Variants in DSCAM observed in about 807,000 individuals in gnomAD.
DSCAM encodes the protein cell adhesion molecule DSCAM.
In DSCAM, 47 loss-of-function variants were observed where a neutral mutation model predicts 217.7. That is an observed-to-expected ratio of 0.22 (90% CI 0.17 to 0.28). The LOEUF is 0.28. Ranked by LOEUF, DSCAM falls within the 10% of genes least tolerant of loss-of-function variation. DSCAM has a pLI of 1.00. For synonymous variants in DSCAM, 1,056 were observed against 1,015.3 expected, an observed-to-expected ratio of 1.04 and a Z score of -0.76; for missense variants, 2,080 against 2,618.3, an observed-to-expected ratio of 0.79 and a Z score of 4.49.
intron 11 of DSCAM, among the ~76,000 whole-genome samples, chr21:40,227,800 AGTGTGG>A (rs2091346545): frequency 6.6e-6 from 1 of 152,240 alleles, no homozygotes; most frequent in Non-Finnish European, 1.5e-5. Flanking sequence ...ACCTTACATT[AGTGTGG>A]CACGTTTGTT....
chr21:40,760,134 C>T (rs535810480), intron 1 of DSCAM, among the ~76,000 whole-genome samples: 34 of 151,998 alleles, frequency 2.2e-4, no homozygotes, highest in Non-Finnish European at 2.2e-4. Context: ...GCTGGGACTA[C>T]AGGTGCATGC....
At chr21:40,580,881 G>A (rs2076899997) in intron 3 of DSCAM, among the ~76,000 whole-genome samples, 1 of 152,090 alleles carries the variant, frequency 6.6e-6, no homozygotes, top group Admixed American at 6.5e-5. Flanking sequence ...GAAGTGTATA[G>A]GTTTAAATGC....
At chr21:40,574,947 T>G (rs557661772) in intron 3 of DSCAM, among the ~76,000 whole-genome samples, 75 of 152,228 alleles carry the variant, frequency 4.9e-4, no homozygotes, top group African/African-American at 1.8e-3. Flanking sequence ...ACAATTTGAT[T>G]TCTAGAACAA....
At chr21:40,821,411 A>T (rs2091927116) in intron 1 of DSCAM, among the ~76,000 whole-genome samples, 1 of 151,644 alleles carries the variant, frequency 6.6e-6, no homozygotes, top group African/African-American at 2.4e-5. Context: ...ACACACACAC[A>T]CACACACCCC....
At chr21:40,501,271 C>G (rs184134234) in intron 3 of DSCAM, among the ~76,000 whole-genome samples, 1 of 152,206 alleles carries the variant, frequency 6.6e-6, no homozygotes, top group East Asian at 1.9e-4. Flanking sequence ...GACAACCTCA[C>G]CTCTTTGTAT....
intron 8 of DSCAM, among the ~76,000 whole-genome samples, chr21:40,325,344 G>A (rs1334284844): frequency 1.3e-5 from 2 of 152,120 alleles, no homozygotes; most frequent in Non-Finnish European, 2.9e-5. Context: ...AAATATATTG[G>A]ACCCCAGCTT....
At chr21:40,451,892 A>G (rs2075722686) in intron 3 of DSCAM, among the ~76,000 whole-genome samples, 1 of 152,246 alleles carries the variant, frequency 6.6e-6, no homozygotes, top group East Asian at 1.9e-4. Flanking sequence ...ATTCAAAAAA[A>G]TTGCAACCTC....
intron 20 of DSCAM, among the ~76,000 whole-genome samples, chr21:40,097,954 AAAAGAAAG>A (rs61675667): frequency 0.043 from 2,208 of 51,310 alleles, 162 homozygotes; most frequent in East Asian, 0.1. Flanking sequence ...AAAAAAAAAA[AAAAGAAAG>A]AAAGAAAGAA....
intron 13 of DSCAM, 114 bp from the exon 14 acceptor site, chr21:40,187,373 G>T (rs2090906377): frequency 2.2e-6 from 3 of 1,339,008 alleles, no homozygotes; most frequent in Non-Finnish European, 3.0e-6. Context: ...GACAAGAACA[G>T]AAGCTTTTTA....
chr21:40,498,781 GTATATATATATATA>G (rs1166919235), intron 3 of DSCAM, among the ~76,000 whole-genome samples: 2 of 26,050 alleles, frequency 7.7e-5, no homozygotes, highest in Admixed American at 5.0e-4. Context: ...ATATGGGTGT[GTATATATATATATA>G]TATATATATA....
chr21:40,103,915 A>C (rs2089785513), intron 20 of DSCAM, among the ~76,000 whole-genome samples: 1 of 151,902 alleles, frequency 6.6e-6, no homozygotes, highest in African/African-American at 2.4e-5. Context: ...TTTCAAATAT[A>C]AAATATTTTA....
chr21:40,079,865 G>A (rs1004491923), intron 25 of DSCAM, among the ~76,000 whole-genome samples: 3 of 152,140 alleles, frequency 2.0e-5, no homozygotes, highest in Non-Finnish European at 2.9e-5. Context: ...CAAGCGCCAC[G>A]CTTCATGGCT....
At chr21:40,544,077 G>A (rs868032321) in intron 3 of DSCAM, among the ~76,000 whole-genome samples, 127 of 152,246 alleles carry the variant, frequency 8.3e-4, no homozygotes, top group African/African-American at 2.9e-3. Flanking sequence ...AGTGAGGGGT[G>A]AGCCATCGCA....
At chr21:40,688,550 A>G (rs538834589) in intron 3 of DSCAM, among the ~76,000 whole-genome samples, 1 of 152,356 alleles carries the variant, frequency 6.6e-6, no homozygotes, top group African/African-American at 2.4e-5. Flanking sequence ...GTCTAAAAAA[A>G]TCCACATAGA....
intron 3 of DSCAM, among the ~76,000 whole-genome samples, chr21:40,570,452 A>T (rs1340614033): frequency 6.6e-6 from 1 of 152,238 alleles, no homozygotes; most frequent in African/African-American, 2.4e-5. Context: ...CAAGGTAAAC[A>T]TTCCTTACTT....
chr21:40,297,716 A>T (rs2073970755), intron 9 of DSCAM, among the ~76,000 whole-genome samples: 1 of 152,228 alleles, frequency 6.6e-6, no homozygotes, highest in Non-Finnish European at 1.5e-5. Context: ...AAGCAGCCAG[A>T]GATGGAATTC....
chr21:40,555,095 G>T (rs1445421359), intron 3 of DSCAM, among the ~76,000 whole-genome samples: 1 of 152,220 alleles, frequency 6.6e-6, no homozygotes, highest in Non-Finnish European at 1.5e-5. Flanking sequence ...GTTTATACAT[G>T]ATTAACTTGA....
intron 3 of DSCAM, among the ~76,000 whole-genome samples, chr21:40,471,676 G>A (rs1406568493): frequency 6.6e-6 from 1 of 152,166 alleles, no homozygotes; most frequent in Non-Finnish European, 1.5e-5. Flanking sequence ...CAAGTAGCCT[G>A]GTTTCACACT....
intron 1 of DSCAM, among the ~76,000 whole-genome samples, chr21:40,781,664 T>C (rs1053055741): frequency 6.6e-6 from 1 of 152,154 alleles, no homozygotes; most frequent in African/African-American, 2.4e-5. Flanking sequence ...GAGAGATGAA[T>C]GTACTAAGCT....
Sources: allele counts gnomAD v4.1 joint callset (sites outside exome capture counted in the v4.1 genomes callset), GRCh38; gene constraint gnomAD v4.1.1; transcripts MANE v1.5; gene names NCBI Gene and HGNC (gene_info 2026-07-23, HGNC 2026-07-21).